The following CDH13 variants were observed in gnomAD, a reference collection of about 807,000 sequenced individuals.
CDH13 encodes the protein cadherin-13.
Under a neutral mutation model 63.8 loss-of-function variants are expected in CDH13, and 24 were observed. The observed-to-expected ratio is 0.38, with a 90% CI of 0.27 to 0.53. The LOEUF (loss-of-function observed/expected upper bound fraction) is 0.53, where lower values mean the gene tolerates loss of function less well. CDH13 is among the 20% of genes least tolerant of loss of function. The pLI is 0.85. For synonymous variants in CDH13, 503 were observed against 355.3 expected (o/e 1.42, Z -4.67); for missense variants, 1,049 against 903.1 (o/e 1.16, Z -2.07).
chr16:83,182,407 G>A (rs982735681), intron 4 of CDH13, among the ~76,000 whole-genome samples: 5 of 152,164 alleles, frequency 3.3e-5, no homozygotes. Flanking sequence ...GGTTTGCTGT[G>A]CTCTGCTAGG....
intron 4 of CDH13, among the ~76,000 whole-genome samples, chr16:83,216,027 C>T (rs2039495501): frequency 6.6e-6 from 1 of 151,330 alleles, no homozygotes; most frequent in Non-Finnish European, 1.5e-5. Context: ...CAGCCTAACC[C>T]TCTACATGCT....
At chr16:83,024,419 A>G (rs1362543587) in intron 2 of CDH13, among the ~76,000 whole-genome samples, 1 of 152,202 alleles carries the variant, frequency 6.6e-6, no homozygotes, top group Non-Finnish European at 1.5e-5. Flanking sequence ...TGGCAATGAA[A>G]TTGTGAGTCT....
intron 1 of CDH13, among the ~76,000 whole-genome samples, chr16:82,853,390 G>A (rs893369881): frequency 1.3e-5 from 2 of 152,222 alleles, no homozygotes; most frequent in Non-Finnish European, 2.9e-5. Flanking sequence ...CATGAATATG[G>A]ATTTAAATAT....
intron 6 of CDH13, among the ~76,000 whole-genome samples, chr16:83,355,289 C>T (rs2091030838): frequency 6.6e-6 from 1 of 152,114 alleles, no homozygotes; most frequent in Non-Finnish European, 1.5e-5. Flanking sequence ...TTTATGATGC[C>T]AGCTTATTAT....
intron 2 of CDH13, among the ~76,000 whole-genome samples, chr16:83,009,965 C>T (rs570318439): frequency 3.3e-5 from 5 of 151,916 alleles, no homozygotes; most frequent in Admixed American, 2.6e-4. Context: ...GAAACCCTGT[C>T]TCTACTAAAA....
intron 6 of CDH13, among the ~76,000 whole-genome samples, chr16:83,430,661 G>A (rs1487435054): frequency 6.6e-6 from 1 of 152,096 alleles, no homozygotes; most frequent in Non-Finnish European, 1.5e-5. Flanking sequence ...TTCACTGTTG[G>A]TAGGTTGAAA....
intron 11 of CDH13, among the ~76,000 whole-genome samples, chr16:83,758,565 C>A (rs1268333693): frequency 1.3e-5 from 2 of 151,946 alleles, no homozygotes; most frequent in East Asian, 3.8e-4. Context: ...AGCGAGAAGG[C>A]AAACAAAAGA....
chr16:83,449,866 C>T (rs1169666912), intron 6 of CDH13, among the ~76,000 whole-genome samples: 1 of 152,174 alleles, frequency 6.6e-6, no homozygotes, highest in Non-Finnish European at 1.5e-5. Flanking sequence ...GAGCTCAGAC[C>T]ACAGATTTGT....
At chr16:83,666,777 C>A (rs550160907) in intron 8 of CDH13, among the ~76,000 whole-genome samples, 1 of 152,246 alleles carries the variant, frequency 6.6e-6, no homozygotes, top group South Asian at 2.1e-4. Context: ...GGAATTTTTC[C>A]CTGATGATCC....
intron 2 of CDH13, among the ~76,000 whole-genome samples, chr16:82,866,286 G>A (rs1343485947): frequency 1.3e-5 from 2 of 150,322 alleles, no homozygotes; most frequent in African/African-American, 4.9e-5. Flanking sequence ...TTCCAAATTT[G>A]CTTCCTCATT....
intron 5 of CDH13, among the ~76,000 whole-genome samples, chr16:83,317,303 C>T (rs1388826582): frequency 1.3e-5 from 2 of 152,184 alleles, no homozygotes; most frequent in Non-Finnish European, 2.9e-5. Flanking sequence ...TGTTGAAAGC[C>T]TTTGCTGGTG....
At chr16:83,165,338 T>C (rs1435169145) in intron 4 of CDH13, among the ~76,000 whole-genome samples, 3 of 151,900 alleles carry the variant, frequency 2.0e-5, no homozygotes, top group Non-Finnish European at 4.4e-5. Context: ...GCACAGTAGA[T>C]GATAGATGAT....
chr16:83,785,679 A>G (rs1363436256), intron 13 of CDH13, among the ~76,000 whole-genome samples: 4 of 152,178 alleles, frequency 2.6e-5, no homozygotes, highest in East Asian at 1.9e-4. Context: ...TCACTCTTGC[A>G]TAGTATCAGC....
intron 1 of CDH13, among the ~76,000 whole-genome samples, chr16:82,851,491 G>A (rs930509316): frequency 2.0e-5 from 3 of 151,252 alleles, no homozygotes; most frequent in African/African-American, 4.9e-5. Context: ...TGGGACCGAC[G>A]AAACTAAAAG....
At chr16:83,502,273 G>T (rs2074300254) in intron 7 of CDH13, among the ~76,000 whole-genome samples, 1 of 152,202 alleles carries the variant, frequency 6.6e-6, no homozygotes, top group Non-Finnish European at 1.5e-5. Flanking sequence ...CTTAATAAGG[G>T]GGAGGTGGGA....
At chr16:83,425,082 C>T (rs764542566) in intron 6 of CDH13, among the ~76,000 whole-genome samples, 4 of 152,216 alleles carry the variant, frequency 2.6e-5, no homozygotes, top group African/African-American at 7.2e-5. Context: ...CTTACAACCT[C>T]GGTCAAGAAA....
In CDH13 at chr16:83,274,564, G is replaced by A. The variant is rs112113932; in HGVS notation, c.636+57067G>A. Among the ~76,000 whole-genome samples the A allele has an allele frequency of 2.6e-5, 4 of 152,254 alleles. 1 individual carries two copies. Among genetic ancestry groups the A allele is most frequent in the African/African-American group, 9.6e-5 (4 of 41,544 alleles). On this transcript the variant is annotated intron_variant, in intron 5 of 13. Coordinates refer to ENST00000567109, the MANE Select transcript of CDH13 (RefSeq NM_001257.5). ...CTCTCTAAGTAATGTATTCCTTCAAGAAAGGGATTCTGTCTTTCCCCCCAG... is the reference window on the plus strand; with the variant it reads ...CTCTCTAAGTAATGTATTCCTTCAAAAAAGGGATTCTGTCTTTCCCCCCAG...
intron 7 of CDH13, among the ~76,000 whole-genome samples, chr16:83,579,523 AAGAACTCACT>A (rs1402826013): frequency 6.6e-6 from 1 of 152,012 alleles, no homozygotes; most frequent in Admixed American, 6.6e-5. Flanking sequence ...CAGATCTCAC[AAGAACTCACT>A]ATCATGAGAC....
chr16:82,638,849 C>T (rs12922550), intron 1 of CDH13, among the ~76,000 whole-genome samples: 14,258 of 150,694 alleles, frequency 0.095, 798 homozygotes, highest in East Asian at 0.22. Context: ...TGTGCATGCA[C>T]GCACCAGTGC....
Sources: allele counts gnomAD v4.1 joint callset (sites outside exome capture counted in the v4.1 genomes callset), GRCh38; gene constraint gnomAD v4.1.1; transcripts MANE v1.5; gene names NCBI Gene and HGNC (gene_info 2026-07-23, HGNC 2026-07-21).